Variants in NEGR1 observed in about 807,000 individuals in gnomAD.
NEGR1 encodes the protein IgLON family member 4.
In NEGR1, 10 loss-of-function variants were observed where a neutral mutation model predicts 40.9. The observed-to-expected ratio is 0.24, with a 90% CI of 0.15 to 0.42. The LOEUF (loss-of-function observed/expected upper bound fraction) is 0.42. Among genes scored for constraint, NEGR1 ranks in the 10% least tolerant of loss-of-function variants. The pLI, the probability that NEGR1 is intolerant of heterozygous loss-of-function variation, is 1.00. For missense variants in NEGR1, 352 were observed against 438.9 expected (o/e 0.80, Z 1.77); for synonymous variants, 185 against 166.8 (o/e 1.11, Z -0.84).
intron 6 of NEGR1, among the ~76,000 whole-genome samples, chr1:71,438,653 A>G (rs1646526402): frequency 1.3e-5 from 2 of 152,222 alleles, no homozygotes; most frequent in Non-Finnish European, 2.9e-5. Context: ...AAATGGCCTT[A>G]CTAACCTTAG....
Position 71,643,001 on chromosome 1 carries a change from G to A in NEGR1, c.668-31855C>T, listed in dbSNP as rs891235029. On this transcript the variant is annotated intron_variant, in intron 4 of 6. Coordinates refer to ENST00000357731, the MANE Select transcript of NEGR1 (RefSeq NM_173808.3). ...AAAGAAAGTTCATAATAAAGAAGGG[G>A]AATAAAAAGACCAGACAAAGGAGTA... Among the ~76,000 whole-genome samples the A allele has an allele frequency of 2.0e-5, 3 of 151,988 alleles. No individual in the cohort carries two copies. The South Asian group carries it at 6.2e-4, about 31-fold the overall frequency.
At chr1:71,573,940 T>C (rs567464512) in intron 6 of NEGR1, among the ~76,000 whole-genome samples, 3 of 152,252 alleles carry the variant, frequency 2.0e-5, no homozygotes, top group Admixed American at 1.3e-4. Flanking sequence ...TATCTGCAGA[T>C]TATTGGGAGA....
At chr1:71,626,559 T>C (rs761893264) in intron 4 of NEGR1, among the ~76,000 whole-genome samples, 3 of 151,944 alleles carry the variant, frequency 2.0e-5, no homozygotes, top group Non-Finnish European at 4.4e-5. Context: ...GGCTGCATAG[T>C]ATTCCATGCT....
chr1:71,482,605 T>C (rs1019559343), intron 6 of NEGR1, among the ~76,000 whole-genome samples: 1 of 151,892 alleles, frequency 6.6e-6, no homozygotes, highest in African/African-American at 2.4e-5. Context: ...CATTAGAGGA[T>C]TTTGACATTG....
chr1:71,715,455 A>T (rs946360452), intron 3 of NEGR1, among the ~76,000 whole-genome samples: 8 of 152,208 alleles, frequency 5.3e-5, no homozygotes, highest in African/African-American at 1.9e-4. Flanking sequence ...CCATATTATA[A>T]GGCTTCAAAT....
Position 71,402,263 on chromosome 1 carries a change from T to G in NEGR1, c.*5183A>C, listed in dbSNP as rs1007151253. On this transcript the variant is annotated 3_prime_UTR_variant, in exon 7 of 7. Transcript: ENST00000357731. ...ATTTTCTCCTTTAAGTATTTGAAAG[T>G]GTTGAGAAAGCCACAATAGCAACAC... 1 of 152,154 alleles carries G rather than the reference T, an allele frequency of 6.6e-6. No homozygotes were observed. The allele number at this position is 152,154 out of a possible 1,614,324, so 9.4% of individuals were successfully genotyped here. A position where few individuals can be genotyped will look rare whatever the true frequency, so the allele number is the denominator to read the frequency against.
At chr1:71,755,947 A>T (rs1472358513) in intron 3 of NEGR1, among the ~76,000 whole-genome samples, 1 of 152,172 alleles carries the variant, frequency 6.6e-6, no homozygotes, top group Admixed American at 6.6e-5. Flanking sequence ...TGAGTTAAGG[A>T]TATTTTATTT....
intron 1 of NEGR1, among the ~76,000 whole-genome samples, chr1:72,011,078 T>C (rs1646653138): frequency 6.6e-6 from 1 of 152,170 alleles, no homozygotes; most frequent in Non-Finnish European, 1.5e-5. Flanking sequence ...AAATATTCCT[T>C]TCAAGTTCTT....
chr1:71,826,333 G>A (rs2101784114), intron 2 of NEGR1, among the ~76,000 whole-genome samples: 1 of 151,936 alleles, frequency 6.6e-6, no homozygotes, highest in African/African-American at 2.4e-5. Context: ...TCACAATAAA[G>A]TTTACTTTTC....
At chr1:71,489,539 A>G (rs572369137) in intron 6 of NEGR1, among the ~76,000 whole-genome samples, 1 of 152,100 alleles carries the variant, frequency 6.6e-6, no homozygotes, top group South Asian at 2.1e-4. Context: ...AAATGAAGCC[A>G]TGGAAAGGTT....
intron 2 of NEGR1, among the ~76,000 whole-genome samples, chr1:71,916,490 C>T (rs1251969127): frequency 6.6e-6 from 1 of 152,148 alleles, no homozygotes; most frequent in Non-Finnish European, 1.5e-5. Flanking sequence ...CTGTGGCTCA[C>T]GCCTGTAATC....
At position 71,611,110 on chromosome 1, in the gene NEGR1, A is replaced by G; in HGVS notation, c.704T>C (p.Val235Ala). 1 of 1,613,934 alleles carries G rather than the reference A, an allele frequency of 6.2e-7. No individual in the cohort carries two copies. Among genetic ancestry groups the G allele is most frequent in the Non-Finnish European group, 8.5e-7 (1 of 1,179,844 alleles). The change falls in exon 5 of 7, where the codon GTG becomes GCG. Residue 235 changes from valine to alanine, a missense_variant. Val to Ala is a moderately conservative substitution (Grantham distance 64). Around this residue, in one of 5 missense-constraint regions of NEGR1, gnomAD observed 184 missense variants for 208.7 expected, o/e 0.88. Transcript: ENST00000357731. Reference sequence around the variant, plus strand: ...TATCAGGCCACTGCGTCCGGGGGTCACGGTGCCAGATTTAATTTCCTGAAT... The same window carrying G: ...TATCAGGCCACTGCGTCCGGGGGTCGCGGTGCCAGATTTAATTTCCTGAAT... ...PTIQEIKSGT[V>A]TPGRSGLIRC...
At chr1:71,704,538 TTTAGA>T (rs1430525063) in intron 3 of NEGR1, among the ~76,000 whole-genome samples, 3 of 151,952 alleles carry the variant, frequency 2.0e-5, no homozygotes, top group East Asian at 3.9e-4. Flanking sequence ...AATTTAACAG[TTTAGA>T]TTAAGTGTAC....
intron 2 of NEGR1, among the ~76,000 whole-genome samples, chr1:71,813,065 A>C (rs577820636): frequency 1.3e-5 from 2 of 151,836 alleles, no homozygotes; most frequent in Non-Finnish European, 2.9e-5. Context: ...ACAAATTTGG[A>C]TTTTATATTT....
chr1:71,943,180 A>AGTTTG (rs1465029437), intron 1 of NEGR1, among the ~76,000 whole-genome samples: 4 of 148,728 alleles, frequency 2.7e-5, no homozygotes, highest in African/African-American at 7.4e-5. Context: ...ATATATGTAT[A>AGTTTG]TTTATAAACA....
At chr1:71,811,445 C>A (rs1224879675) in intron 2 of NEGR1, among the ~76,000 whole-genome samples, 2 of 152,026 alleles carry the variant, frequency 1.3e-5, no homozygotes, top group Non-Finnish European at 1.5e-5. Flanking sequence ...CCTTTCCTAA[C>A]CACCTTATTA....
intron 2 of NEGR1, among the ~76,000 whole-genome samples, chr1:71,905,859 T>G (rs1661259727): frequency 7.4e-6 from 1 of 134,630 alleles, no homozygotes; most frequent in African/African-American, 2.6e-5. Flanking sequence ...ATTGGGAGGT[T>G]GTTACAAAAA....
chr1:71,632,072 G>T (rs1186261937), intron 4 of NEGR1, among the ~76,000 whole-genome samples: 1 of 151,538 alleles, frequency 6.6e-6, no homozygotes, highest in Non-Finnish European at 1.5e-5. Flanking sequence ...GTACAAGGAA[G>T]GTATGGCATA....
chr1:72,051,249 T>C (rs1647057495), intron 1 of NEGR1, among the ~76,000 whole-genome samples: 1 of 151,534 alleles, frequency 6.6e-6, no homozygotes, highest in Non-Finnish European at 1.5e-5. Context: ...ATTTGTTCAT[T>C]ACTAAAATAC....
Sources: gnomAD v4.1 joint callset for allele counts (sites outside exome capture counted in the v4.1 genomes callset) on GRCh38, gnomAD v4.1.1 for gene constraint, gnomAD v4.1.1 regional missense constraint, MANE v1.5 for transcripts, NCBI Gene and HGNC (gene_info 2026-07-23, HGNC 2026-07-21) for gene names.